CCL3L3: variants seen among roughly 807,000 people sequenced by gnomAD.
CCL3L3 encodes C-C motif chemokine ligand 3 like 3, also known as C-C motif chemokine 3-like 1.
CCL3L3 carries 6 observed loss-of-function variants against 9.0 expected under a neutral mutation model. The ratio of observed to expected loss-of-function variants is 0.67; its 90% confidence interval spans 0.37 to 1.32. The LOEUF is 1.32. Ranked by LOEUF, CCL3L3 falls within the 40% of genes most tolerant of loss-of-function variation. The pLI is 0.02. For missense variants in CCL3L3, 93 were observed against 117.0 expected, an observed-to-expected ratio of 0.79 and a Z score of 0.95; for synonymous variants, 38 against 45.7, an observed-to-expected ratio of 0.83 and a Z score of 0.68.
chr17:36,195,471 A>T, intron 2 of CCL3L3, 95 bp from the exon 3 acceptor site: 2 of 1,476,368 alleles, frequency 1.4e-6, no homozygotes, highest in Non-Finnish European at 1.9e-6. Context: ...TGTCCTGGGC[A>T]GCTCAAGGCC....
Position 36,195,275 on chromosome 17 carries a change from T to G in CCL3L3, c.*11A>C. 3.2e-6 allele frequency: 5 copies of G among 1,582,100 alleles called. No homozygotes were observed. The highest frequency in any genetic ancestry group is 4.3e-6 in the Non-Finnish European group (5 of 1,157,342). On this transcript the variant is annotated 3_prime_UTR_variant, in exon 3 of 3. Transcript: ENST00000619989. ...CACTGAGGTCGCTGGGCCTCGAAGC[T>G]TCTGGACCCCTCAGGCACTCAGCTC...
At position 36,195,391 on chromosome 17, in the gene CCL3L3, G is replaced by C; in HGVS notation, c.192-15C>G. 1 of 1,582,218 alleles carries C rather than the reference G, an allele frequency of 6.3e-7. No individual in the cohort carries two copies. ...TGGTTAGGAAGCTGTGGAGAAGGGA[G>C]GAAGAGTTAAGCACTGGGGAATCCA... On this transcript the variant is annotated splice_polypyrimidine_tract_variant and intron_variant, in intron 2 of 2. Coordinates refer to ENST00000619989, the MANE Select transcript of CCL3L3 (RefSeq NM_001001437.4).
chr17:36,195,571 G>A, intron 2 of CCL3L3, 195 bp from the exon 3 acceptor site: 1 of 1,031,000 alleles, frequency 9.7e-7, no homozygotes, highest in Non-Finnish European at 1.5e-6. Context: ...GTGTCCTGCT[G>A]CCTCCTTCTT....
chr17:36,195,730 G>C (rs2068613773), intron 2 of CCL3L3, 68 bp downstream of exon 2: 1 of 1,536,094 alleles, frequency 6.5e-7, no homozygotes, highest in African/African-American at 1.3e-5. Flanking sequence ...ATGGCCTTCT[G>C]GCCTGTTTCT....
At chr17:36,196,516 G>T (rs1598984896) in intron 1 of CCL3L3, 82 bp downstream of exon 1, 2 of 1,456,124 alleles carry the variant, frequency 1.4e-6, no homozygotes, top group Non-Finnish European at 1.9e-6. Flanking sequence ...TCTCTTCGGG[G>T]CTCTCAGGCC....
In CCL3L3 at chr17:36,195,925, G is replaced by GA. The variant is rs1276379557; in HGVS notation, c.77-14dup. 35 of 1,582,500 alleles carry GA rather than the reference G, an allele frequency of 2.2e-5. 1 individual carries two copies. The highest frequency in any genetic ancestry group is 1.0e-4 in the South Asian group (9 of 89,214). ...GTGTCAGCAGCAACTGCGGAGAAAG[G>GA]AGAGAATAAGCCCGAGTCACAGCTC... On this transcript the variant is annotated splice_polypyrimidine_tract_variant and intron_variant, in intron 1 of 2. Transcript: ENST00000619989.
At chr17:36,195,593 C>T in intron 2 of CCL3L3, 1 of 1,020,624 alleles carries the variant, frequency 9.8e-7, no homozygotes, top group Non-Finnish European at 1.5e-6. Flanking sequence ...CTGTCCCTTT[C>T]CTCTGGCCTG....
intron 1 of CCL3L3, chr17:36,196,113 T>G (rs2068618482): frequency 1.5e-6 from 1 of 676,592 alleles, no homozygotes; most frequent in African/African-American, 1.6e-5. Flanking sequence ...GGTTCTCTGT[T>G]TCTCTATGTG....
chr17:36,196,177 G>T, intron 1 of CCL3L3: 1 of 628,282 alleles, frequency 1.6e-6, no homozygotes, highest in East Asian at 2.7e-5. Flanking sequence ...AATTTTGTCG[G>T]TTCAAGAAGT....
chr17:36,196,596 AC>A lies in CCL3L3; in HGVS notation c.76+1del. ...ATACCCACAACAACAACATGGACTC[AC>A]GTGGTGCAGAGAGGACCTGGTTGCA... On this transcript the variant is annotated splice_donor_variant, in intron 1 of 2. Coordinates refer to ENST00000619989, the MANE Select transcript of CCL3L3 (RefSeq NM_001001437.4). LOFTEE classifies it high-confidence loss of function. 4 of 1,581,200 alleles carry A rather than the reference AC, an allele frequency of 2.5e-6. 1 individual carries two copies. The highest frequency in any genetic ancestry group is 3.5e-6 in the Non-Finnish European group (4 of 1,156,390).
Position 36,195,022 on chromosome 17 carries a change from T to C in CCL3L3, c.*264A>G. The C allele has an allele frequency of 2.3e-6, 1 of 440,866 alleles. No individual in the cohort carries two copies. Among genetic ancestry groups the C allele is most frequent in the Non-Finnish European group, 4.2e-6 (1 of 236,374 alleles). The allele number at this position is 440,866 out of a possible 1,614,324, so 27.3% of individuals were successfully genotyped here. A position where few individuals can be genotyped will look rare whatever the true frequency, so the allele number is the denominator to read the frequency against. On this transcript the variant is annotated 3_prime_UTR_variant, in exon 3 of 3. Transcript: ENST00000619989. ...CACTCGGTTGTCACCAGACACACTG[T>C]GAGGGAAGGTGGAGGGGACAGGGGG...
At chr17:36,196,117 CTA>C (rs2142208590) in intron 1 of CCL3L3, 2 of 670,490 alleles carry the variant, frequency 3.0e-6, no homozygotes, top group East Asian at 5.3e-5. Flanking sequence ...CTCTGTTTCT[CTA>C]TGTGATCCAG....
chr17:36,196,098 T>G (rs1339416558), intron 1 of CCL3L3, 186 bp from the exon 2 acceptor site: 1 of 709,984 alleles, frequency 1.4e-6, no homozygotes, highest in Non-Finnish European at 2.5e-6. Flanking sequence ...TGACTCTTCA[T>G]AGTGGGTTCT....
At position 36,195,269 on chromosome 17, in the gene CCL3L3, C is replaced by G. The variant is rs1472005558; in HGVS notation, c.*17G>C. On this transcript the variant is annotated 3_prime_UTR_variant, in exon 3 of 3. Transcript: ENST00000619989. ...TGGGCCCACTGAGGTCGCTGGGCCT[C>G]GAAGCTTCTGGACCCCTCAGGCACT... The G allele has an allele frequency of 9.5e-6, 15 of 1,581,542 alleles. 3 individuals are homozygous for G. The highest frequency in any genetic ancestry group is 1.1e-5 in the Non-Finnish European group (13 of 1,157,096).
rs1175547657 is a variant in CCL3L3, at chr17:36,195,058, G to A, written c.*228C>T. ...GGAGGGGACAGGGGGAACTCTCAGA[G>A]CAAACAATCACAAACACACTGTGAA... On this transcript the variant is annotated 3_prime_UTR_variant, in exon 3 of 3. Transcript: ENST00000619989. 2.9e-5 allele frequency: 15 copies of A among 518,434 alleles called. 1 individual carries two copies. The highest frequency in any genetic ancestry group is 1.0e-5 in the Non-Finnish European group (3 of 289,338). 32.1% of individuals were successfully genotyped at this position (518,434 alleles called of 1,614,324 possible).
In CCL3L3 at chr17:36,195,803, A is replaced by C; in HGVS notation, c.186T>G (p.Ser62Arg). Residue 62 changes from serine (S) to arginine (R), a missense_variant, in exon 2 of 3, where the codon AGT (serine) becomes AGG (arginine). Ser to Arg is a moderately radical substitution (Grantham distance 110). Coordinates refer to ENST00000619989, the MANE Select transcript of CCL3L3 (RefSeq NM_001001437.4). The stretch of plus-strand genomic sequence containing the variant: ...GCAGGAAGACTGGCACTTACATGAC[A>C]CTGGGCTTGGAGCACTGGCTGCTCG... ...FETSSQCSKP[S>R]VIFLTKRGRQ... 6.3e-7 allele frequency: 1 copy of C among 1,583,026 alleles called. No individual in the cohort carries two copies. Among genetic ancestry groups the C allele is most frequent in the Non-Finnish European group, 8.6e-7 (1 of 1,157,710 alleles).
At position 36,196,692 on chromosome 17, in the gene CCL3L3, G is replaced by T; in HGVS notation, c.-19C>A. The T allele has an allele frequency of 6.3e-7, 1 of 1,579,452 alleles. No homozygotes were observed. The highest frequency in any genetic ancestry group is 1.7e-5 in the Admixed American group (1 of 59,050). ...CCTGCATGATTGGGAGCAGGTGATG[G>T]AATGTGGGCTCGAGTGTCAGCAGAG... On this transcript the variant is annotated 5_prime_UTR_variant, in exon 1 of 3. Coordinates refer to ENST00000619989, the MANE Select transcript of CCL3L3 (RefSeq NM_001001437.4).
At position 36,195,676 on chromosome 17, in the gene CCL3L3, G is replaced by C. The variant is rs1348405111; in HGVS notation, c.191+122C>G. On this transcript the variant is annotated intron_variant, in intron 2 of 2. Transcript: ENST00000619989. ...GTCAGGTCACACCTCAGTGCCCTGC[G>C]TCCTGTATCCCCGATAGGCTCCTGA... The C allele has an allele frequency of 6.7e-6, 9 of 1,334,810 alleles. No homozygotes were observed. The South Asian group carries it at 1.1e-4, about 16-fold the overall frequency. The allele number at this position is 1,334,810 out of a possible 1,614,324, so 82.7% of individuals were successfully genotyped here.
In CCL3L3 at chr17:36,195,333, C is replaced by T. The variant is rs1159880558; in HGVS notation, c.235G>A (p.Glu79Lys). The change falls in exon 3 of 3, where the codon GAG becomes AAG. Residue 79 changes from glutamate to lysine, a missense_variant. Coordinates refer to ENST00000619989, the MANE Select transcript of CCL3L3 (RefSeq NM_001001437.4). ...CTGACGTATTTCTGGACCCACTCCT[C>T]ACTGGGGTCAGCACAGACCTGCCGG... ...RGRQVCADPSEEWVQKYVSDL... is the reference protein window; with the variant it reads ...RGRQVCADPSKEWVQKYVSDL... The T allele has an allele frequency of 1.9e-6, 3 of 1,582,594 alleles. No individual in the cohort carries two copies. Among genetic ancestry groups the T allele is most frequent in the Non-Finnish European group, 2.6e-6 (3 of 1,157,710 alleles).
Sources: gnomAD v4.1 joint callset for allele counts on GRCh38, gnomAD v4.1.1 for gene constraint, MANE v1.5 for transcripts, NCBI Gene and HGNC (gene_info 2026-07-23, HGNC 2026-07-21) for gene names.